The following ANKRD6 variants were observed in gnomAD, a reference collection of about 807,000 sequenced individuals.
ANKRD6 encodes the protein ankyrin repeat domain 6, also known as ankyrin repeat domain-containing protein 6.
A neutral mutation model predicts 82.3 loss-of-function variants in ANKRD6; 56 were observed. That is an observed-to-expected ratio of 0.68 (90% CI 0.55 to 0.85). ANKRD6 has a LOEUF of 0.85. Among genes scored for constraint, ANKRD6 ranks in the 40% least tolerant of loss-of-function variants. The pLI, the probability that ANKRD6 is intolerant of heterozygous loss-of-function variation, is 0.00. For missense variants in ANKRD6, 852 were observed against 907.6 expected, an observed-to-expected ratio of 0.94 and a Z score of 0.79; for synonymous variants, 347 against 352.1, an observed-to-expected ratio of 0.99 and a Z score of 0.16.
chr6:89,612,805 T>C (rs1156529863), intron 6 of ANKRD6, among the ~76,000 whole-genome samples: 2 of 152,248 alleles, frequency 1.3e-5, no homozygotes, highest in Non-Finnish European at 2.9e-5. Context: ...GTCCTACTGA[T>C]GACTGAGGCG....
At chr6:89,451,993 T>G (rs993446898) in intron 1 of ANKRD6, among the ~76,000 whole-genome samples, 45 of 152,038 alleles carry the variant, frequency 3.0e-4, no homozygotes, top group Admixed American at 2.8e-3. Context: ...GGCCAGGAGT[T>G]CAAAACCAGC....
intron 5 of ANKRD6, among the ~76,000 whole-genome samples, chr6:89,609,906 G>A (rs1799785808): frequency 6.6e-6 from 1 of 152,146 alleles, no homozygotes. Flanking sequence ...ACTGCACCCA[G>A]CCCAGAAATT....
intron 1 of ANKRD6, among the ~76,000 whole-genome samples, chr6:89,470,856 C>G (rs1199652111): frequency 2.0e-5 from 3 of 152,062 alleles, no homozygotes; most frequent in African/African-American, 7.2e-5. Context: ...AACTGCCCAT[C>G]AAAAAGGTAA....
intron 5 of ANKRD6, among the ~76,000 whole-genome samples, chr6:89,609,909 C>A (rs116086007): frequency 0.012 from 1,804 of 152,214 alleles, 43 homozygotes; most frequent in African/African-American, 0.041. Flanking sequence ...GCACCCAGCC[C>A]AGAAATTGTT....
intron 4 of ANKRD6, 90 bp downstream of exon 4, chr6:89,603,217 G>C (rs1797650366): frequency 9.6e-7 from 1 of 1,041,926 alleles, no homozygotes; most frequent in East Asian, 2.6e-5. Flanking sequence ...AAACTTTTGA[G>C]TCCTCGAGGT....
At chr6:89,626,828 T>G (rs1805839960) in intron 13 of ANKRD6, among the ~76,000 whole-genome samples, 1 of 152,254 alleles carries the variant, frequency 6.6e-6, no homozygotes, top group Non-Finnish European at 1.5e-5. Flanking sequence ...GCTTGTTCTC[T>G]GAAGCAATCC....
chr6:89,483,793 C>T (rs1777058596), intron 1 of ANKRD6, among the ~76,000 whole-genome samples: 1 of 152,204 alleles, frequency 6.6e-6, no homozygotes, highest in South Asian at 2.1e-4. Flanking sequence ...TGTGCATTTA[C>T]AAGAACAAGA....
Position 89,603,109 on chromosome 6 carries a change from C to T in ANKRD6, c.300C>T (p.Ala100=). The T allele has an allele frequency of 1.9e-6, 3 of 1,604,622 alleles. No individual in the cohort carries two copies. Among genetic ancestry groups the T allele is most frequent in the Non-Finnish European group, 2.6e-6 (3 of 1,176,064 alleles). The change falls in exon 4 of 16, where the codon GCC becomes GCT. Residue 100 remains alanine (A), a synonymous_variant. Coordinates refer to ENST00000339746, the MANE Select transcript of ANKRD6 (RefSeq NM_001242809.2). ...IIAALIHEGC[A]LDRQDKDGNT... ...CGGCGCTCATCCACGAAGGGTGTGC[C>T]CTGGACAGACAAGACAAGGTGAGTG...
intron 1 of ANKRD6, among the ~76,000 whole-genome samples, chr6:89,535,121 T>C (rs1185822564): frequency 6.6e-6 from 1 of 152,222 alleles, no homozygotes; most frequent in Admixed American, 6.5e-5. Context: ...AAGTTCTCAT[T>C]TGCCACTTTA....
chr6:89,498,874 T>C (rs1243874578), intron 1 of ANKRD6, among the ~76,000 whole-genome samples: 1 of 152,244 alleles, frequency 6.6e-6, no homozygotes, highest in Admixed American at 6.5e-5. Context: ...CCAGCTTCTT[T>C]GCAGAATGTG....
intron 1 of ANKRD6, among the ~76,000 whole-genome samples, chr6:89,536,851 G>T (rs1193378942): frequency 6.6e-6 from 1 of 152,170 alleles, no homozygotes; most frequent in Non-Finnish European, 1.5e-5. Context: ...ATTATGAGGG[G>T]TACAAAGAGA....
intron 10 of ANKRD6, 44 bp downstream of exon 10, chr6:89,622,070 A>T: frequency 6.4e-7 from 1 of 1,563,416 alleles, no homozygotes; most frequent in Non-Finnish European, 8.8e-7. Context: ...ACCCATGCTC[A>T]GAGGGTGGGA....
At chr6:89,477,339 G>A (rs542772178) in intron 1 of ANKRD6, among the ~76,000 whole-genome samples, 3 of 152,032 alleles carry the variant, frequency 2.0e-5, no homozygotes, top group African/African-American at 7.2e-5. Flanking sequence ...TCACCTAGAG[G>A]CAAACATCAT....
At chr6:89,619,128 C>A (rs1051289092) in intron 9 of ANKRD6, among the ~76,000 whole-genome samples, 1 of 151,946 alleles carries the variant, frequency 6.6e-6, no homozygotes, top group African/African-American at 2.4e-5. Flanking sequence ...AAATTGATCA[C>A]CTTCTTGTGC....
chr6:89,623,849 T>G (rs1255066821), intron 11 of ANKRD6, 23 bp from the exon 12 acceptor site: 2 of 1,602,498 alleles, frequency 1.2e-6, no homozygotes, highest in Non-Finnish European at 1.7e-6. Context: ...CGTTCAGGGG[T>G]GTTGTCTCTT....
intron 1 of ANKRD6, among the ~76,000 whole-genome samples, chr6:89,464,110 T>C (rs1391066437): frequency 6.6e-6 from 1 of 152,222 alleles, no homozygotes; most frequent in Non-Finnish European, 1.5e-5. Context: ...AATAATTCTT[T>C]ATGAACTCTA....
At chr6:89,530,319 G>A (rs1782984172) in intron 1 of ANKRD6, among the ~76,000 whole-genome samples, 1 of 151,918 alleles carries the variant, frequency 6.6e-6, no homozygotes. Flanking sequence ...CATGAAGTGA[G>A]CACATGTCGT....
Position 89,631,323 on chromosome 6 carries a change from A to G in ANKRD6, c.*319A>G. 1 of 215,618 alleles carries G rather than the reference A, an allele frequency of 4.6e-6. No homozygotes were observed. The highest frequency in any genetic ancestry group is 9.1e-6 in the Non-Finnish European group (1 of 110,072). 13.4% of individuals were successfully genotyped at this position (215,618 alleles called of 1,614,324 possible). Reference sequence around the variant, plus strand: ...AAGAAACTGGACGATGTGTAAGCCTAGACTCTAAAATTCAAGATGTGTGAA... The same window carrying G: ...AAGAAACTGGACGATGTGTAAGCCTGGACTCTAAAATTCAAGATGTGTGAA... On this transcript the variant is annotated 3_prime_UTR_variant, in exon 16 of 16. Coordinates refer to ENST00000339746, the MANE Select transcript of ANKRD6 (RefSeq NM_001242809.2).
rs1807463538 is a variant in ANKRD6 at position 89,631,814 on chromosome 6, A to G, written c.*810A>G. 6.6e-6 allele frequency: 1 copy of G among 152,234 alleles called. No individual in the cohort carries two copies. Among genetic ancestry groups the G allele is most frequent in the African/African-American group, 2.4e-5 (1 of 41,462 alleles). The allele number at this position is 152,234 out of a possible 1,614,324, so 9.4% of individuals were successfully genotyped here. A position where few individuals can be genotyped will look rare whatever the true frequency, so the allele number is the denominator to read the frequency against. ...TTATAACCTATTCCTAATCAAACCC[A>G]ATTATATCAGAATACCTTTCTGAAT... On this transcript the variant is annotated 3_prime_UTR_variant, in exon 16 of 16. Transcript: ENST00000339746.
Sources: gnomAD v4.1 joint callset for allele counts (sites outside exome capture counted in the v4.1 genomes callset) on GRCh38, gnomAD v4.1.1 for gene constraint, MANE v1.5 for transcripts, NCBI Gene and HGNC (gene_info 2026-07-23, HGNC 2026-07-21) for gene names.